Variants in SPADH observed in about 807,000 individuals in gnomAD.
SPADH encodes CUB domain-containing protein.
At chr10:122,676,995 A>G in the SPADH span, 6 of 774,760 alleles carry the variant, frequency 7.7e-6, no homozygotes, top group Non-Finnish European at 7.8e-6. Flanking sequence ...CATGACAGCC[A>G]TTTGACACAC....
chr10:122,676,643 C>G, the SPADH span: 4 of 861,556 alleles, frequency 4.6e-6, no homozygotes, highest in South Asian at 1.6e-4. Context: ...ATTTTCTTCC[C>G]AAGGATGGGA....
the SPADH span, chr10:122,677,014 G>T: frequency 0.38 from 237,059 of 618,798 alleles, 48,439 homozygotes; most frequent in African/African-American, 0.66. Context: ...ACAATTTGAC[G>T]ACATTTTCAC....
chr10:122,675,485 A>G, the SPADH span, among the ~76,000 whole-genome samples: 1 of 152,126 alleles, frequency 6.6e-6, no homozygotes, highest in African/African-American at 2.4e-5. Context: ...CAGTGACGCC[A>G]TCTCTTCTTC....
At chr10:122,678,001 C>T in the SPADH span, among the ~76,000 whole-genome samples, 12 of 152,152 alleles carry the variant, frequency 7.9e-5, no homozygotes, top group Non-Finnish European at 1.5e-4. Flanking sequence ...GTCCCTTTGT[C>T]CTTTTCAAAG....
chr10:122,678,015 A>T, the SPADH span, among the ~76,000 whole-genome samples: 3 of 152,042 alleles, frequency 2.0e-5, no homozygotes, highest in African/African-American at 7.3e-5. Flanking sequence ...TTCAAAGTTG[A>T]TTTTGAATCT....
the SPADH span, among the ~76,000 whole-genome samples, chr10:122,679,468 T>C: frequency 6.6e-6 from 1 of 150,780 alleles, no homozygotes; most frequent in Non-Finnish European, 1.5e-5. Context: ...TATGAATATA[T>C]AATCCTAGAA....
At chr10:122,676,392 C>G in the SPADH span, among the ~76,000 whole-genome samples, 1 of 152,170 alleles carries the variant, frequency 6.6e-6, no homozygotes, top group African/African-American at 2.4e-5. Context: ...TGTTATTTGT[C>G]CAGCCTGCCC....
At chr10:122,673,127 T>G in the SPADH span, among the ~76,000 whole-genome samples, 12 of 152,360 alleles carry the variant, frequency 7.9e-5, no homozygotes, top group African/African-American at 1.9e-4. Flanking sequence ...ATTGTGCTGA[T>G]GCCATCGTGA....
At chr10:122,676,991 A>AGCC in the SPADH span, 6 of 817,224 alleles carry the variant, frequency 7.3e-6, no homozygotes, top group African/African-American at 9.3e-5. Context: ...TATCCATGAC[A>AGCC]GCCATTTGAC....
At chr10:122,677,519 T>C in the SPADH span, among the ~76,000 whole-genome samples, 2 of 152,202 alleles carry the variant, frequency 1.3e-5, no homozygotes, top group African/African-American at 4.8e-5. Flanking sequence ...CTTAAATGAA[T>C]GAATGAATGA....
At chr10:122,676,855 C>G in the SPADH span, 1 of 985,188 alleles carries the variant, frequency 1.0e-6, no homozygotes, top group Admixed American at 6.2e-5. Flanking sequence ...GAGTTGAACC[C>G]CGGGGAGATA....
chr10:122,675,799 T>C, the SPADH span: 1 of 219,120 alleles, frequency 4.6e-6, no homozygotes, highest in African/African-American at 2.3e-5. Flanking sequence ...AAGGACTTGG[T>C]AATTGGATTC....
chr10:122,678,448 C>T, the SPADH span, among the ~76,000 whole-genome samples: 2 of 152,264 alleles, frequency 1.3e-5, no homozygotes, highest in African/African-American at 4.8e-5. Flanking sequence ...TGATTTTTGT[C>T]CTGACACAGA....
the SPADH span, among the ~76,000 whole-genome samples, chr10:122,674,728 G>A: frequency 0.092 from 14,049 of 152,282 alleles, 681 homozygotes; most frequent in Middle Eastern, 0.12. Context: ...TCTTGAAAGC[G>A]TTAGAGTGAC....
At chr10:122,676,739 C>T in the SPADH span, 10 of 985,272 alleles carry the variant, frequency 1.0e-5, no homozygotes, top group East Asian at 1.1e-4. Flanking sequence ...GCCTGGGCCC[C>T]GTTTCTCCTC....
the SPADH span, chr10:122,676,819 C>T: frequency 2.7e-5 from 27 of 985,056 alleles, no homozygotes; most frequent in African/African-American, 3.5e-5. Flanking sequence ...TACGCTGGGC[C>T]GAAAACTGAA....
chr10:122,673,847 A>G, the SPADH span, among the ~76,000 whole-genome samples: 1 of 152,054 alleles, frequency 6.6e-6, no homozygotes, highest in African/African-American at 2.4e-5. Context: ...GGGCTGCCCC[A>G]TCACCGGGTG....
chr10:122,673,317 G>A, the SPADH span, among the ~76,000 whole-genome samples: 1 of 152,214 alleles, frequency 6.6e-6, no homozygotes, highest in Non-Finnish European at 1.5e-5. Flanking sequence ...GTGTCTTGGT[G>A]AGGGTGCCCT....
At chr10:122,673,874 G>T in the SPADH span, among the ~76,000 whole-genome samples, 1 of 152,130 alleles carries the variant, frequency 6.6e-6, no homozygotes, top group Non-Finnish European at 1.5e-5. Flanking sequence ...TCCCCTGCCA[G>T]GATTTCAGCC....
Sources: allele counts gnomAD v4.1 joint callset (sites outside exome capture counted in the v4.1 genomes callset), GRCh38; gene constraint gnomAD v4.1.1; transcripts MANE v1.5; gene names NCBI Gene and HGNC (gene_info 2026-07-23, HGNC 2026-07-21).